Variants in HACD2 observed in about 807,000 individuals in gnomAD.
HACD2 encodes the protein 3-hydroxyacyl-CoA dehydratase 2, also known as very-long-chain (3R)-3-hydroxyacyl-CoA dehydratase 2.
A neutral mutation model predicts 31.0 loss-of-function variants in HACD2; 15 were observed. The ratio of observed to expected loss-of-function variants is 0.48; its 90% CI spans 0.32 to 0.75. The LOEUF is 0.75. Ranked by LOEUF, HACD2 falls within the 30% of genes least tolerant of loss-of-function variation. HACD2 has a pLI of 0.03. For synonymous variants in HACD2, 115 were observed against 122.2 expected, an observed-to-expected ratio of 0.94 and a Z score of 0.39; for missense variants, 283 against 313.0, an observed-to-expected ratio of 0.90 and a Z score of 0.72.
chr3:123,497,237 T>C (rs2055844360), intron 6 of HACD2, among the ~76,000 whole-genome samples: 1 of 152,206 alleles, frequency 6.6e-6, no homozygotes, highest in Non-Finnish European at 1.5e-5. Context: ...CACTGAGGAA[T>C]AGCACTGAAA....
At chr3:123,547,584 G>A (rs2056573996) in intron 3 of HACD2, among the ~76,000 whole-genome samples, 1 of 152,118 alleles carries the variant, frequency 6.6e-6, no homozygotes, top group South Asian at 2.1e-4. Flanking sequence ...AAGAAGCTAA[G>A]AGCCCTCACA....
rs1217383596 is a variant in HACD2, at chr3:123,582,283, C to T, written c.202G>A (p.Gly68Ser). 3 of 1,608,760 alleles carry T rather than the reference C, an allele frequency of 1.9e-6. No individual in the cohort carries two copies. The highest frequency in any genetic ancestry group is 1.7e-5 in the Admixed American group (1 of 59,356). ...VGLVRAYLAK[G>S]SYHSLYYSIE... ...GAATAATAAAGGCTATGGTAGCTAC[C>T]CTTAGCCAGGTATGCTCGGACCAGA... is the stretch of plus-strand genomic sequence containing the variant. Residue 68 changes from glycine (G) to serine (S), a missense_variant, in exon 2 of 7, where the codon GGT becomes AGT. Around this residue, in one of 3 missense-constraint regions of HACD2, gnomAD observed 158 missense variants for 148.3 expected, o/e 1.07. Coordinates refer to ENST00000383657, the MANE Select transcript of HACD2 (RefSeq NM_198402.5).
At chr3:123,561,805 G>A (rs900913810) in intron 3 of HACD2, among the ~76,000 whole-genome samples, 4 of 151,996 alleles carry the variant, frequency 2.6e-5, no homozygotes, top group Admixed American at 6.6e-5. Context: ...ATCTCAGGGT[G>A]GGTTTTGGTG....
At chr3:123,513,876 G>A (rs756864675) in intron 4 of HACD2, among the ~76,000 whole-genome samples, 7 of 152,194 alleles carry the variant, frequency 4.6e-5, no homozygotes, top group Non-Finnish European at 8.8e-5. Flanking sequence ...TTCTATGCAG[G>A]TGATATAGGA....
At chr3:123,537,610 C>T (rs1041711710) in intron 3 of HACD2, among the ~76,000 whole-genome samples, 8 of 150,614 alleles carry the variant, frequency 5.3e-5, no homozygotes, top group Admixed American at 2.0e-4. Context: ...CACACACACA[C>T]GGTAAAAAAA....
rs574430497 is a variant in HACD2 at position 123,516,380 on chromosome 3, G to A, written c.381+12006C>T. On this transcript the variant is annotated intron_variant, in intron 4 of 6. Transcript: ENST00000383657. ...CTCCCGAGTAGCTGGGATTACAGGC[G>A]CCCGCTGCGACGCCCGGCTAATTTT... 4.6e-5 allele frequency among the ~76,000 whole-genome samples: 7 copies of A among 151,940 alleles called. No individual in the cohort carries two copies. In the South Asian group the frequency reaches 1.0e-3, roughly 23 times the overall value.
chr3:123,577,558 T>C (rs1396798873), intron 2 of HACD2, among the ~76,000 whole-genome samples: 1 of 150,856 alleles, frequency 6.6e-6, no homozygotes, highest in Non-Finnish European at 1.5e-5. Context: ...GAGGCGGAGC[T>C]TGCAGTGAGC....
intron 3 of HACD2, among the ~76,000 whole-genome samples, chr3:123,556,248 G>C (rs2056671456): frequency 6.6e-6 from 1 of 151,882 alleles, no homozygotes; most frequent in South Asian, 2.1e-4. Context: ...ACCATCCCTG[G>C]CAACACGGAG....
At chr3:123,567,235 CT>C (rs1437598889) in intron 3 of HACD2, among the ~76,000 whole-genome samples, 4 of 152,172 alleles carry the variant, frequency 2.6e-5, no homozygotes, top group Admixed American at 1.3e-4. Flanking sequence ...TGACTCGCCC[CT>C]CCCCACAAAA....
chr3:123,525,634 C>A (rs979215031), intron 4 of HACD2, among the ~76,000 whole-genome samples: 17 of 152,168 alleles, frequency 1.1e-4, no homozygotes, highest in Admixed American at 2.0e-4. Flanking sequence ...GCAAAGGAAA[C>A]ACGCAGGGCA....
chr3:123,496,145 T>C (rs2055829928), intron 6 of HACD2, among the ~76,000 whole-genome samples: 1 of 152,138 alleles, frequency 6.6e-6, no homozygotes, highest in African/African-American at 2.4e-5. Context: ...CCACTCAGCC[T>C]CCTGAGTAGC....
At chr3:123,532,099 C>CTG (rs2056369623) in intron 3 of HACD2, among the ~76,000 whole-genome samples, 1 of 152,176 alleles carries the variant, frequency 6.6e-6, no homozygotes. Context: ...ACAAAAGTGC[C>CTG]TGTCTTAGCA....
At chr3:123,578,622 A>C (rs536150695) in intron 2 of HACD2, among the ~76,000 whole-genome samples, 1 of 152,262 alleles carries the variant, frequency 6.6e-6, no homozygotes, top group Admixed American at 6.5e-5. Flanking sequence ...TTGCTTGGTA[A>C]ATGTTTTTAT....
At chr3:123,518,533 G>A (rs2056173975) in intron 4 of HACD2, among the ~76,000 whole-genome samples, 1 of 152,078 alleles carries the variant, frequency 6.6e-6, no homozygotes, top group African/African-American at 2.4e-5. Context: ...TTATTTAAAA[G>A]TGTTATTTAA....
chr3:123,512,720 G>A (rs1229280214), intron 4 of HACD2, among the ~76,000 whole-genome samples: 2 of 152,164 alleles, frequency 1.3e-5, no homozygotes, highest in East Asian at 3.8e-4. Flanking sequence ...GGGAAAATGC[G>A]AGAAAGAACA....
intron 3 of HACD2, among the ~76,000 whole-genome samples, chr3:123,543,086 C>T (rs1439568030): frequency 6.6e-6 from 1 of 152,100 alleles, no homozygotes; most frequent in Non-Finnish European, 1.5e-5. Flanking sequence ...GAACAGAGGG[C>T]TGTATAAAGC....
intron 3 of HACD2, among the ~76,000 whole-genome samples, chr3:123,540,580 G>T (rs538873040): frequency 6.6e-6 from 1 of 152,220 alleles, no homozygotes; most frequent in African/African-American, 2.4e-5. Context: ...TGAGTCAATT[G>T]TAAGTCATGG....
At chr3:123,571,017 ATG>A (rs2056850516) in intron 2 of HACD2, among the ~76,000 whole-genome samples, 1 of 152,124 alleles carries the variant, frequency 6.6e-6, no homozygotes, top group African/African-American at 2.4e-5. Context: ...CCTACATATC[ATG>A]TGTCTCCAAT....
intron 6 of HACD2, among the ~76,000 whole-genome samples, chr3:123,496,759 G>A (rs1260205170): frequency 2.0e-5 from 3 of 152,218 alleles, no homozygotes; most frequent in Non-Finnish European, 4.4e-5. Context: ...CTGTAATGAA[G>A]GGAATCTGTG....
Sources: allele counts gnomAD v4.1 joint callset (sites outside exome capture counted in the v4.1 genomes callset), GRCh38; gene constraint gnomAD v4.1.1; regional missense constraint gnomAD v4.1.1; transcripts MANE v1.5; gene names NCBI Gene and HGNC (gene_info 2026-07-23, HGNC 2026-07-21).